The following CROCC2 variants were observed in gnomAD, a reference collection of about 807,000 sequenced individuals.
The protein encoded by CROCC2 is ciliary rootlet coiled-coil protein 2.
CROCC2 carries 163 observed loss-of-function variants against 177.6 expected under a neutral mutation model. The observed-to-expected ratio is 0.92, with a 90% CI of 0.81 to 1.05. The LOEUF is 1.05. CROCC2 is among the 50% of genes least tolerant of loss of function. The probability of loss-of-function intolerance (pLI) is 0.00; values close to 1 mark genes in which losing one functional copy is unlikely to be tolerated. For missense variants in CROCC2, 1,929 were observed against 1,797.8 expected, an observed-to-expected ratio of 1.07 and a Z score of -1.32; for synonymous variants, 904 against 787.3, an observed-to-expected ratio of 1.15 and a Z score of -2.48.
rs1016635063 is a variant in CROCC2 at position 240,960,672 on chromosome 2, G to T, written c.3087+1228G>T. Among the ~76,000 whole-genome samples, 1 of 152,148 alleles carries T rather than the reference G, an allele frequency of 6.6e-6. No homozygotes were observed. The highest frequency in any genetic ancestry group is 1.5e-5 in the Non-Finnish European group (1 of 68,002). Reference sequence around the variant, plus strand: ...TGCGCAGCTGACCTGGTGCTGGAGCGAGCGGCTGGCGCACACCACGCCCCA... The same window carrying T: ...TGCGCAGCTGACCTGGTGCTGGAGCTAGCGGCTGGCGCACACCACGCCCCA... On this transcript the variant is annotated intron_variant, in intron 20 of 31. Coordinates refer to ENST00000690015, the MANE Select transcript of CROCC2 (RefSeq NM_001351305.2). The surrounding 1 kb of genome is among the most constrained non-coding windows in gnomAD (Gnocchi z 5.0).
intron 20 of CROCC2, 140 bp from the exon 21 acceptor site, chr2:240,963,416 T>C (rs966942166): frequency 1.3e-4 from 111 of 835,760 alleles, no homozygotes; most frequent in Non-Finnish European, 1.9e-4. Context: ...GGTGGCTCCA[T>C]GGGGTGAGCA....
Position 240,918,866 on chromosome 2 carries a change from G to A in CROCC2, c.219G>A (p.Glu73=), listed in dbSNP as rs1041608135. Residue 73 remains glutamate (E), a synonymous_variant, in exon 2 of 32, where the codon GAG becomes GAA. Coordinates refer to ENST00000690015, the MANE Select transcript of CROCC2 (RefSeq NM_001351305.2). The surrounding 1 kb of genome is among the most constrained non-coding windows in gnomAD (Gnocchi z 6.3). Reference sequence around the variant, plus strand: ...TCGTGGCCGGCAGCCTGAGTGAGGAGCCACCCCAAGGTGATGGTGTGGGGG... The same window carrying A: ...TCGTGGCCGGCAGCCTGAGTGAGGAACCACCCCAAGGTGATGGTGTGGGGG... ...REIVAGSLSE[E]PPQAGVQEPT... 1.5e-6 allele frequency: 1 copy of A among 670,064 alleles called. No homozygotes were observed. Among genetic ancestry groups the A allele is most frequent in the Non-Finnish European group, 2.8e-6 (1 of 362,570 alleles). The allele number at this position is 670,064 out of a possible 1,614,324, so 41.5% of individuals were successfully genotyped here.
intron 20 of CROCC2, 72 bp downstream of exon 20, chr2:240,959,516 G>T: frequency 6.7e-7 from 1 of 1,502,850 alleles, no homozygotes; most frequent in South Asian, 1.3e-5. Flanking sequence ...ACCAAGAGAG[G>T]AGAGAGTGGG....
chr2:240,940,568 C>T (rs2059490005), intron 14 of CROCC2, among the ~76,000 whole-genome samples: 1 of 152,014 alleles, frequency 6.6e-6, no homozygotes, highest in African/African-American at 2.4e-5. Flanking sequence ...ATATGATATA[C>T]CACATAAACA....
chr2:240,989,693 C>T lies in CROCC2; in HGVS notation c.4723C>T (p.Leu1575Phe), dbSNP rs972822145. Residue 1575 changes from leucine to phenylalanine, a missense_variant, in exon 30 of 32, where the codon CTC becomes TTC. Coordinates refer to ENST00000690015, the MANE Select transcript of CROCC2 (RefSeq NM_001351305.2). ...GATGGAGCAGGCCCACACCCAGCGG[C>T]TCCAGGACCTGACAGCTCAGCACCA... ...TEMEQAHTQR[L>F]QDLTAQHQRD... is the part of the protein sequence containing the mutation. 7.1e-6 allele frequency: 11 copies of T among 1,549,874 alleles called. No homozygotes were observed. The highest frequency in any genetic ancestry group is 9.6e-6 in the Non-Finnish European group (11 of 1,146,534).
At chr2:240,950,279 C>A in intron 17 of CROCC2, 55 bp from the exon 18 acceptor site, 1 of 1,509,696 alleles carries the variant, frequency 6.6e-7, no homozygotes, top group South Asian at 1.3e-5. Flanking sequence ...GGACCATAGA[C>A]AACTGCTGGC....
chr2:240,971,767 A>G (rs2059722489), intron 27 of CROCC2, among the ~76,000 whole-genome samples: 1 of 151,994 alleles, frequency 6.6e-6, no homozygotes. Flanking sequence ...AATTCTCAGC[A>G]TCCCAATACT....
chr2:240,983,216 G>C, intron 28 of CROCC2, 187 bp downstream of exon 28: 1 of 856,410 alleles, frequency 1.2e-6, no homozygotes, highest in Non-Finnish European at 1.7e-6. Flanking sequence ...CTGACAGATG[G>C]GGAAACTGAG....
intron 2 of CROCC2, among the ~76,000 whole-genome samples, chr2:240,919,691 CCA>C (rs1294355982): frequency 6.6e-6 from 1 of 152,158 alleles, no homozygotes; most frequent in East Asian, 1.9e-4. Context: ...TCCAGGCCGC[CCA>C]CACACTCTGC....
Position 240,934,472 on chromosome 2 carries a change from G to A in CROCC2, c.1788G>A (p.Ala596=), listed in dbSNP as rs1333243507. 4.5e-5 allele frequency: 70 copies of A among 1,547,768 alleles called. No homozygotes were observed. The highest frequency in any genetic ancestry group is 4.0e-4 in the African/African-American group (29 of 73,094). ...SEREGLRSAL[A]RAECSNADLE... The stretch of plus-strand genomic sequence containing the variant: ...GGGAGGGACTGCGCAGCGCCCTGGC[G>A]CGGGTACACTCTGCTCCCCACAACC... Residue 596 remains alanine, a synonymous_variant, in exon 12 of 32, where the codon GCG becomes GCA. Coordinates refer to ENST00000690015, the MANE Select transcript of CROCC2 (RefSeq NM_001351305.2).
intron 27 of CROCC2, among the ~76,000 whole-genome samples, chr2:240,980,198 CAA>C: frequency 2.2e-5 from 1 of 44,600 alleles, no homozygotes; most frequent in Admixed American, 2.2e-4. Context: ...CATCCCTGCT[CAA>C]GCTCTGGGGT....
At chr2:240,983,514 C>A in intron 28 of CROCC2, 2 of 1,245,862 alleles carry the variant, frequency 1.6e-6, no homozygotes, top group Non-Finnish European at 2.1e-6. Flanking sequence ...CAGACGGCGG[C>A]GCTGCGCACC....
At chr2:240,925,588 G>T in intron 4 of CROCC2, 136 bp from the exon 5 acceptor site, 1 of 607,596 alleles carries the variant, frequency 1.6e-6, no homozygotes, top group Admixed American at 3.1e-5. Context: ...CAGAGCAGCG[G>T]CTGTGCACCT....
intron 14 of CROCC2, among the ~76,000 whole-genome samples, chr2:240,943,858 GTTGTATTCAT>G (rs1290938976): frequency 5.3e-5 from 8 of 152,142 alleles, no homozygotes; most frequent in African/African-American, 1.9e-4. Context: ...GGGGAAATCT[GTTGTATTCAT>G]AGAATTTCAG....
intron 1 of CROCC2, among the ~76,000 whole-genome samples, chr2:240,913,612 G>A (rs1020869775): frequency 2.0e-5 from 3 of 152,220 alleles, no homozygotes; most frequent in African/African-American, 7.2e-5. Context: ...GCCGGCCGGG[G>A]TCCTGCCTGC....
intron 27 of CROCC2, among the ~76,000 whole-genome samples, chr2:240,976,512 C>T (rs2059767173): frequency 1.6e-5 from 2 of 123,066 alleles, no homozygotes; most frequent in South Asian, 6.6e-4. Context: ...CCTGCTCAGT[C>T]TCTGGGGTAG....
At position 240,932,405 on chromosome 2, in the gene CROCC2, G is replaced by T. The variant is rs1334910487; in HGVS notation, c.1035G>T (p.Leu345=). 2.8e-6 allele frequency: 2 copies of T among 717,488 alleles called. No individual in the cohort carries two copies. The highest frequency in any genetic ancestry group is 3.0e-5 in the South Asian group (2 of 67,600). 44.4% of individuals were successfully genotyped at this position (717,488 alleles called of 1,614,324 possible). A position where few individuals can be genotyped will look rare whatever the true frequency, so the allele number is the denominator to read the frequency against. ...CCATCGCTGCCCTCAGAACCGACCT[G>T]CAGAACCTGGTTGGTGGGCAGGACG... ...AKTIAALRTD[L]QNLVAQEDAR... is the part of the protein sequence containing the mutation. Residue 345 remains leucine, a synonymous_variant, in exon 8 of 32, where the codon CTG becomes CTT. Coordinates refer to ENST00000690015, the MANE Select transcript of CROCC2 (RefSeq NM_001351305.2).
At chr2:240,948,641 T>G (rs2059536431) in intron 15 of CROCC2, among the ~76,000 whole-genome samples, 2 of 152,214 alleles carry the variant, frequency 1.3e-5, no homozygotes, top group Non-Finnish European at 2.9e-5. Flanking sequence ...CACTGCTGTG[T>G]GTTGGTGTGT....
rs183708440 is a variant in CROCC2 at position 240,967,382 on chromosome 2, G to A, written c.4184G>A (p.Arg1395Gln). 868 of 817,846 alleles carry A rather than the reference G, an allele frequency of 1.1e-3. 8 individuals carry two copies. In the Admixed American group the frequency reaches 0.013, roughly 13 times the overall value. The allele number at this position is 817,846 out of a possible 1,614,324, so 50.7% of individuals were successfully genotyped here. Residue 1395 changes from arginine (R) to glutamine (Q), a missense_variant, in exon 26 of 32, where the codon CGG (arginine) becomes CAG (glutamine). Physicochemically the swap from Arg to Gln is conservative, Grantham distance 43. Around this residue, in one of 3 missense-constraint regions of CROCC2, gnomAD observed 388 missense variants for 352.7 expected, o/e 1.10. Transcript: ENST00000690015. ...ATCCAGATGGCGACCCTGAGCAGCCGGCTGAGCGAGGCAGAGTGCAGGTGT... is the reference window on the plus strand; with the variant it reads ...ATCCAGATGGCGACCCTGAGCAGCCAGCTGAGCGAGGCAGAGTGCAGGTGT... ...SRIQMATLSS[R>Q]LSEAECRCAR...
Sources: allele counts gnomAD v4.1 joint callset (sites outside exome capture counted in the v4.1 genomes callset), GRCh38; gene constraint gnomAD v4.1.1; regional missense constraint gnomAD v4.1.1; non-coding constraint Gnocchi (gnomAD v3.1); transcripts MANE v1.5; gene names NCBI Gene and HGNC (gene_info 2026-07-23, HGNC 2026-07-21).